Variants in DCDC1 observed in about 807,000 individuals in gnomAD.
DCDC1 encodes the protein doublecortin domain containing 1, also known as doublecortin domain-containing protein 1.
Under a neutral mutation model 178.3 loss-of-function variants are expected in DCDC1, and 200 were observed. The observed-to-expected ratio is 1.12, with a 90% confidence interval of 1.00 to 1.26. DCDC1 has a LOEUF of 1.26. Among genes scored for constraint, DCDC1 ranks in the 50% most tolerant of loss-of-function variants. DCDC1 has a pLI of 0.00. For missense variants in DCDC1, 1,983 were observed against 1,749.2 expected, an observed-to-expected ratio of 1.13 and a Z score of -2.38; for synonymous variants, 690 against 604.8, an observed-to-expected ratio of 1.14 and a Z score of -2.07.
At position 31,305,680 on chromosome 11, in the gene DCDC1, G is replaced by C; in HGVS notation, c.689C>G (p.Pro230Arg). Residue 230 changes from proline (P) to arginine (R), a missense_variant, in exon 6 of 39, where the codon CCC (proline) becomes CGC (arginine). Pro to Arg is a moderately radical substitution (Grantham distance 103). Transcript: ENST00000684477. ...TGAAACATAAACATCGGCTTCATGG[G>C]GTATATCTTCAGGTTCGAGGGCTTC... ...GKEALEPEDI[P>R]HEADVYVSTG... is the part of the protein sequence containing the mutation. 1 of 1,613,802 alleles carries C rather than the reference G, an allele frequency of 6.2e-7. No homozygotes were observed. Among genetic ancestry groups the C allele is most frequent in the East Asian group, 2.2e-5 (1 of 44,856 alleles).
At chr11:31,098,594 T>C (rs117051393) in intron 15 of DCDC1, among the ~76,000 whole-genome samples, 4,166 of 152,354 alleles carry the variant, frequency 0.027, 86 homozygotes, top group Non-Finnish European at 0.041. Context: ...TATCGGCTTT[T>C]GCCTCCCTTC....
intron 22 of DCDC1, among the ~76,000 whole-genome samples, chr11:30,927,452 T>C (rs572974498): frequency 6.6e-6 from 1 of 151,962 alleles, no homozygotes; most frequent in Non-Finnish European, 1.5e-5. Flanking sequence ...CAGCAGAACA[T>C]CCTACACCGG....
At chr11:31,030,337 G>T (rs1041910788) in intron 20 of DCDC1, among the ~76,000 whole-genome samples, 1 of 151,778 alleles carries the variant, frequency 6.6e-6, no homozygotes, top group African/African-American at 2.4e-5. Flanking sequence ...TAAATTAAGG[G>T]CCCTTTCACA....
At chr11:31,054,463 A>G (rs751212293) in intron 20 of DCDC1, among the ~76,000 whole-genome samples, 1 of 152,276 alleles carries the variant, frequency 6.6e-6, no homozygotes, top group African/African-American at 2.4e-5. Flanking sequence ...TACCACCATC[A>G]TTCTTCACAG....
In DCDC1 at chr11:31,103,942, T is replaced by C. The variant is rs1337740344; in HGVS notation, c.1752-173A>G. ...ATTCTATATTAACACCTGAAATATA[T>C]ACTTCAGTTTATTTAGCTGATCTAT... On this transcript the variant is annotated intron_variant, in intron 13 of 38. Coordinates refer to ENST00000684477, the MANE Select transcript of DCDC1 (RefSeq NM_001387274.1). Among the ~76,000 whole-genome samples, 4 of 152,224 alleles carry C rather than the reference T, an allele frequency of 2.6e-5. No individual in the cohort carries two copies. In the East Asian group the frequency reaches 7.7e-4, roughly 29 times the overall value.
At chr11:31,049,647 T>C (rs1212147279) in intron 20 of DCDC1, among the ~76,000 whole-genome samples, 2 of 152,172 alleles carry the variant, frequency 1.3e-5, no homozygotes, top group Non-Finnish European at 2.9e-5. Flanking sequence ...GGACTGCTCC[T>C]GCAGGGCCCA....
At position 30,930,337 on chromosome 11, in the gene DCDC1, G is replaced by C. The variant is rs115327249; in HGVS notation, c.2897+1434C>G. ...TTCCATTTAAACCTTCTGTGAACCA[G>C]TACTTACATCCAGCTCTAGGGGTGG... On this transcript the variant is annotated intron_variant, in intron 22 of 38. Coordinates refer to ENST00000684477, the MANE Select transcript of DCDC1 (RefSeq NM_001387274.1). Among the ~76,000 whole-genome samples the C allele has an allele frequency of 3.4e-3, 510 of 152,176 alleles. 5 individuals are homozygous for C. The highest frequency in any genetic ancestry group is 0.011 in the African/African-American group (470 of 41,544).
chr11:31,060,326 T>A (rs975147042), intron 20 of DCDC1, among the ~76,000 whole-genome samples: 4 of 152,096 alleles, frequency 2.6e-5, no homozygotes, highest in African/African-American at 9.7e-5. Flanking sequence ...AGCTTTCATT[T>A]TAATGTAAAC....
At chr11:31,215,629 C>T (rs147238881) in intron 9 of DCDC1, among the ~76,000 whole-genome samples, 134 of 152,052 alleles carry the variant, frequency 8.8e-4, no homozygotes, top group East Asian at 6.6e-3. Flanking sequence ...CCCATCTCTA[C>T]TAAAATACAA....
chr11:31,034,990 A>G (rs1196804481), intron 20 of DCDC1, among the ~76,000 whole-genome samples: 2 of 152,212 alleles, frequency 1.3e-5, no homozygotes, highest in Non-Finnish European at 2.9e-5. Context: ...AGGTCCAGGC[A>G]AAAGTGCCCA....
rs538609749 is a variant in DCDC1 at position 30,984,202 on chromosome 11, T to C, written c.2592-31634A>G. Among the ~76,000 whole-genome samples the C allele has an allele frequency of 8.5e-5, 13 of 152,284 alleles. No individual in the cohort carries two copies. The East Asian group carries it at 2.5e-3, about 29-fold the overall frequency. ...ACAGAAATAAAGATATCTCAATCCA[T>C]AGTTACTCCATGTGAGATGGCTGTG... On this transcript the variant is annotated intron_variant, in intron 20 of 38. Coordinates refer to ENST00000684477, the MANE Select transcript of DCDC1 (RefSeq NM_001387274.1).
chr11:31,251,191 C>T (rs1245681202), intron 8 of DCDC1, among the ~76,000 whole-genome samples: 1 of 152,228 alleles, frequency 6.6e-6, no homozygotes, highest in East Asian at 1.9e-4. Context: ...AAACAAATAA[C>T]TGCCAAGTCG....
At chr11:31,275,534 C>T (rs892693720) in intron 7 of DCDC1, among the ~76,000 whole-genome samples, 11 of 152,010 alleles carry the variant, frequency 7.2e-5, no homozygotes, top group South Asian at 2.1e-4. Context: ...GACAGAGTTT[C>T]GCTCTTGTTG....
intron 9 of DCDC1, among the ~76,000 whole-genome samples, chr11:31,205,271 G>A (rs1329472569): frequency 2.0e-5 from 3 of 152,194 alleles, no homozygotes; most frequent in Non-Finnish European, 4.4e-5. Flanking sequence ...TACAACAGCA[G>A]AGATTAGTAG....
chr11:31,313,190 T>C (rs1181540146), intron 3 of DCDC1, among the ~76,000 whole-genome samples: 1 of 152,140 alleles, frequency 6.6e-6, no homozygotes. Context: ...AAAAATAATT[T>C]TCCATTATTT....
At chr11:31,089,364 C>T (rs1957663219) in intron 17 of DCDC1, among the ~76,000 whole-genome samples, 2 of 152,106 alleles carry the variant, frequency 1.3e-5, no homozygotes, top group Admixed American at 1.3e-4. Context: ...TTAAGATTTT[C>T]TCTTTATCAC....
At chr11:31,125,862 G>C (rs1198715075) in intron 11 of DCDC1, among the ~76,000 whole-genome samples, 1 of 151,934 alleles carries the variant, frequency 6.6e-6, no homozygotes. Flanking sequence ...ATAAGTGCAG[G>C]AAATCACTAT....
chr11:31,212,397 C>G (rs1972668623), intron 9 of DCDC1, among the ~76,000 whole-genome samples: 1 of 151,610 alleles, frequency 6.6e-6, no homozygotes, highest in South Asian at 2.1e-4. Flanking sequence ...ATGTATAAGA[C>G]AAAGGACAAA....
intron 21 of DCDC1, among the ~76,000 whole-genome samples, chr11:30,938,643 A>C (rs1194116608): frequency 1.3e-5 from 2 of 152,122 alleles, no homozygotes; most frequent in Non-Finnish European, 2.9e-5. Flanking sequence ...TATTATTCAC[A>C]TAGAGAATTA....
Sources: allele counts gnomAD v4.1 joint callset (sites outside exome capture counted in the v4.1 genomes callset), GRCh38; gene constraint gnomAD v4.1.1; transcripts MANE v1.5; gene names NCBI Gene and HGNC (gene_info 2026-07-23, HGNC 2026-07-21).